SORCS2: variants seen among roughly 807,000 people sequenced by gnomAD.
SORCS2 encodes sortilin related VPS10 domain containing receptor 2.
In SORCS2, 100 loss-of-function variants were observed where a neutral mutation model predicts 141.6. The ratio of observed to expected loss-of-function variants is 0.71; its 90% CI spans 0.60 to 0.83. The LOEUF is 0.83. SORCS2 is among the 40% of genes least tolerant of loss of function. SORCS2 has a pLI of 0.00. For synonymous variants in SORCS2, 789 were observed against 676.9 expected (o/e 1.17, Z -2.57); for missense variants, 1,646 against 1,560.2 (o/e 1.05, Z -0.93).
rs530265012 is a variant in SORCS2 at position 7,688,511 on chromosome 4, G to A, written c.1489-975G>A. Among the ~76,000 whole-genome samples the A allele has an allele frequency of 2.0e-5, 3 of 152,328 alleles. No homozygotes were observed. In the East Asian group the frequency reaches 5.8e-4, roughly 29 times the overall value. On this transcript the variant is annotated intron_variant, in intron 10 of 26. Coordinates refer to ENST00000507866, the MANE Select transcript of SORCS2 (RefSeq NM_020777.3). ...GGGAAGGGCTGGACCCCAGAGCTGT[G>A]CCATAGTAATCCAATATCCTGTGAA...
At chr4:7,347,520 C>A (rs1720709923) in intron 1 of SORCS2, among the ~76,000 whole-genome samples, 1 of 152,186 alleles carries the variant, frequency 6.6e-6, no homozygotes, top group Non-Finnish European at 1.5e-5. Flanking sequence ...AGACAAAGAA[C>A]TTGAGTGAGG....
At chr4:7,667,025 A>AT (rs1310246371) in intron 7 of SORCS2, 99 bp from the exon 8 acceptor site, 22 of 1,086,500 alleles carry the variant, frequency 2.0e-5, no homozygotes, top group Non-Finnish European at 2.5e-5. Flanking sequence ...GTAAAAGGGC[A>AT]TTTTCACTTG....
intron 4 of SORCS2, among the ~76,000 whole-genome samples, chr4:7,640,463 CGTGT>C (rs543187878): frequency 5.0e-5 from 5 of 100,966 alleles, no homozygotes; most frequent in South Asian, 4.5e-4. Context: ...TGTGTATGAG[CGTGT>C]GTGTGTGTGT....
chr4:7,731,141 A>G (rs1711640502), intron 23 of SORCS2, among the ~76,000 whole-genome samples: 1 of 152,232 alleles, frequency 6.6e-6, no homozygotes, highest in Non-Finnish European at 1.5e-5. Flanking sequence ...AAAAGAAATC[A>G]AGAAAACAAT....
chr4:7,305,115 T>A lies in SORCS2; in HGVS notation c.481-91173T>A, dbSNP rs552492492. 1.3e-4 allele frequency among the ~76,000 whole-genome samples: 19 copies of A among 150,882 alleles called. No homozygotes were observed. In the East Asian group the frequency reaches 3.7e-3, roughly 30 times the overall value. ...TGAGTGATCTCAGCTCACTGCAAGC[T>A]CCGCCTCCCGGGTTCGTGCCATTCT... On this transcript the variant is annotated intron_variant, in intron 1 of 26. Transcript: ENST00000507866.
chr4:7,578,877 G>A (rs73214685), intron 3 of SORCS2, among the ~76,000 whole-genome samples: 1,688 of 152,268 alleles, frequency 0.011, 14 homozygotes, highest in Middle Eastern at 0.024. Context: ...CTGTTTGCTG[G>A]ATAGAAGCCC....
At chr4:7,291,818 G>C (rs966064915) in intron 1 of SORCS2, among the ~76,000 whole-genome samples, 1 of 152,252 alleles carries the variant, frequency 6.6e-6, no homozygotes, top group Non-Finnish European at 1.5e-5. Flanking sequence ...GATATGCAAA[G>C]AGGAAGGTCT....
intron 4 of SORCS2, among the ~76,000 whole-genome samples, chr4:7,651,342 CT>C (rs1046884564): frequency 6.6e-6 from 1 of 152,192 alleles, no homozygotes; most frequent in African/African-American, 2.4e-5. Flanking sequence ...CTGGGGAAAA[CT>C]GAGGCCTGCC....
At chr4:7,272,943 C>T (rs1715243599) in intron 1 of SORCS2, among the ~76,000 whole-genome samples, 2 of 152,220 alleles carry the variant, frequency 1.3e-5, no homozygotes, top group Non-Finnish European at 2.9e-5. Context: ...GCTGGTGTGT[C>T]CCACACAGTG....
intron 1 of SORCS2, among the ~76,000 whole-genome samples, chr4:7,300,274 C>T (rs770576826): frequency 4.0e-5 from 6 of 149,084 alleles, no homozygotes; most frequent in South Asian, 2.2e-4. Context: ...GGTCTAATCT[C>T]GGGGATGGGG....
intron 2 of SORCS2, among the ~76,000 whole-genome samples, chr4:7,423,604 G>A (rs532099410): frequency 8.1e-4 from 124 of 152,298 alleles, no homozygotes; most frequent in South Asian, 4.8e-3. Context: ...CATTTGTCCT[G>A]TCTGAGATGC....
intron 14 of SORCS2, among the ~76,000 whole-genome samples, chr4:7,706,243 G>A (rs1320549200): frequency 7.2e-5 from 9 of 124,308 alleles, no homozygotes; most frequent in Non-Finnish European, 1.8e-5. Context: ...GCTGCGCTCC[G>A]CCTGGGCAGG....
intron 2 of SORCS2, among the ~76,000 whole-genome samples, chr4:7,457,782 C>A (rs1200151127): frequency 6.6e-6 from 1 of 152,260 alleles, no homozygotes; most frequent in Admixed American, 6.5e-5. Context: ...TCTGCCTGAG[C>A]TGCTCTGCTT....
rs979354299 is a variant in SORCS2 at position 7,381,871 on chromosome 4, TG to T, written c.481-14413del. ...TTAGGCTCCAGGATGGGCAGTACAG[TG>T]GGGCAGGCCACAGCCTTCAACCAGC... On this transcript the variant is annotated intron_variant, in intron 1 of 26. Transcript: ENST00000507866. The T allele has an allele frequency of 8.1e-6, 8 of 983,850 alleles. No individual in the cohort carries two copies. In the African/African-American group the frequency reaches 1.2e-4, roughly 15 times the overall value. The allele number at this position is 983,850 out of a possible 1,614,324, so 60.9% of individuals were successfully genotyped here.
intron 1 of SORCS2, among the ~76,000 whole-genome samples, chr4:7,312,004 T>C (rs1358309957): frequency 6.6e-6 from 1 of 152,160 alleles, no homozygotes; most frequent in African/African-American, 2.4e-5. Context: ...GCCTCCCAAG[T>C]AGCTGGGATT....
At chr4:7,574,217 C>T (rs1456952308) in intron 3 of SORCS2, among the ~76,000 whole-genome samples, 1 of 152,266 alleles carries the variant, frequency 6.6e-6, no homozygotes, top group Non-Finnish European at 1.5e-5. Context: ...CAGGACGGGA[C>T]TGTGTTCCCC....
At chr4:7,578,472 C>A (rs1715917986) in intron 3 of SORCS2, among the ~76,000 whole-genome samples, 1 of 152,208 alleles carries the variant, frequency 6.6e-6, no homozygotes, top group African/African-American at 2.4e-5. Flanking sequence ...TCTTGTCTGT[C>A]CCTGTGAATT....
intron 3 of SORCS2, among the ~76,000 whole-genome samples, chr4:7,632,767 C>A (rs1719979478): frequency 6.6e-6 from 1 of 152,174 alleles, no homozygotes; most frequent in East Asian, 1.9e-4. Context: ...GCGCTGAAGA[C>A]ATGAGCACTG....
chr4:7,572,569 A>G (rs142601296), intron 3 of SORCS2, among the ~76,000 whole-genome samples: 1 of 152,334 alleles, frequency 6.6e-6, no homozygotes, highest in East Asian at 1.9e-4. Context: ...GTTTGCTTCA[A>G]TACTTGATGC....
Sources: gnomAD v4.1 joint callset for allele counts (sites outside exome capture counted in the v4.1 genomes callset) on GRCh38, gnomAD v4.1.1 for gene constraint, MANE v1.5 for transcripts, NCBI Gene and HGNC (gene_info 2026-07-23, HGNC 2026-07-21) for gene names.